Variants in RBMS3 observed in about 807,000 individuals in gnomAD.
The protein encoded by RBMS3 is RNA-binding motif, single-stranded-interacting protein 3.
A neutral mutation model predicts 66.8 loss-of-function variants in RBMS3; 27 were observed. That is an observed-to-expected ratio of 0.40 (90% CI 0.30 to 0.56). The LOEUF is 0.56. RBMS3 is among the 20% of genes least tolerant of loss of function. RBMS3 has a pLI of 0.40. For synonymous variants in RBMS3, 188 were observed against 183.0 expected (o/e 1.03, Z -0.22); for missense variants, 513 against 549.5 (o/e 0.93, Z 0.66).
At chr3:29,775,053 G>A (rs919994985) in intron 6 of RBMS3, among the ~76,000 whole-genome samples, 1 of 151,670 alleles carries the variant, frequency 6.6e-6, no homozygotes, top group African/African-American at 2.4e-5. Flanking sequence ...GAAAACAGCC[G>A]ATATAGAGTC....
chr3:29,839,086 G>A (rs571379939), intron 6 of RBMS3, among the ~76,000 whole-genome samples: 2 of 152,288 alleles, frequency 1.3e-5, no homozygotes, highest in Non-Finnish European at 2.9e-5. Context: ...GGCATAATGA[G>A]TGGATTGTTA....
At chr3:29,577,455 C>T (rs937124007) in intron 3 of RBMS3, among the ~76,000 whole-genome samples, 16 of 152,306 alleles carry the variant, frequency 1.1e-4, no homozygotes, top group African/African-American at 3.8e-4. Flanking sequence ...TCCTCTGGCT[C>T]TGAGCCCAGT....
At chr3:29,564,229 C>T (rs979887612) in intron 3 of RBMS3, among the ~76,000 whole-genome samples, 6 of 152,008 alleles carry the variant, frequency 3.9e-5, no homozygotes, top group East Asian at 1.9e-4. Flanking sequence ...GTAATCCCAG[C>T]ACTTTGGGAG....
At chr3:29,772,733 A>G (rs2056264637) in intron 6 of RBMS3, among the ~76,000 whole-genome samples, 1 of 152,042 alleles carries the variant, frequency 6.6e-6, no homozygotes. Flanking sequence ...ACCTAGAAGA[A>G]AGTTCAGTAA....
intron 6 of RBMS3, among the ~76,000 whole-genome samples, chr3:29,830,471 A>G (rs536184897): frequency 3.8e-4 from 58 of 152,284 alleles, no homozygotes; most frequent in African/African-American, 1.3e-3. Flanking sequence ...CCAGCACGGT[A>G]AAACAAAAGA....
intron 12 of RBMS3, among the ~76,000 whole-genome samples, chr3:29,945,425 G>C (rs960574249): frequency 6.6e-6 from 1 of 151,614 alleles, no homozygotes; most frequent in African/African-American, 2.4e-5. Context: ...GCATTTGGCC[G>C]CGAAGTCATT....
At position 30,006,701 on chromosome 3, in the gene RBMS3, A is replaced by G. The variant is rs1699811652; in HGVS notation, c.*2839A>G. On this transcript the variant is annotated 3_prime_UTR_variant, in exon 15 of 15. Coordinates refer to ENST00000383767, the MANE Select transcript of RBMS3 (RefSeq NM_001003793.3). ...CCTGGGCATAATTCATTTGAATATG[A>G]AACCAACATACTTTCTTTCATTTTT... The G allele has an allele frequency of 6.6e-6, 1 of 152,004 alleles. No individual in the cohort carries two copies. Among genetic ancestry groups the G allele is most frequent in the Non-Finnish European group, 1.5e-5 (1 of 67,902 alleles). 9.4% of individuals were successfully genotyped at this position (152,004 alleles called of 1,614,324 possible).
chr3:29,874,782 T>C (rs1013366156), intron 7 of RBMS3, among the ~76,000 whole-genome samples: 1 of 150,844 alleles, frequency 6.6e-6, no homozygotes, highest in East Asian at 1.9e-4. Flanking sequence ...TAATTCAGCA[T>C]GAAAACTTTC....
At chr3:29,340,381 T>C (rs1219995080) in intron 1 of RBMS3, among the ~76,000 whole-genome samples, 4 of 152,092 alleles carry the variant, frequency 2.6e-5, no homozygotes, top group South Asian at 2.1e-4. Flanking sequence ...GACACCGCCA[T>C]TGGGGTGTTA....
chr3:29,997,999 T>A (rs911953134), intron 14 of RBMS3, among the ~76,000 whole-genome samples: 3 of 152,336 alleles, frequency 2.0e-5, no homozygotes, highest in Non-Finnish European at 4.4e-5. Context: ...GCAGATGACA[T>A]GATTGTATAT....
chr3:29,695,312 A>G (rs772550376), intron 4 of RBMS3, among the ~76,000 whole-genome samples: 9 of 152,204 alleles, frequency 5.9e-5, no homozygotes, highest in Non-Finnish European at 1.2e-4. Flanking sequence ...AGGATTAGTG[A>G]TACTAATGCT....
chr3:29,753,717 G>A (rs1458660268), intron 5 of RBMS3, among the ~76,000 whole-genome samples: 3 of 152,116 alleles, frequency 2.0e-5, no homozygotes, highest in African/African-American at 7.2e-5. Flanking sequence ...ATTAGACTCA[G>A]TTATGGAAGT....
chr3:29,609,649 T>G lies in RBMS3; in HGVS notation c.399+22444T>G, dbSNP rs1286342514. ...TACTGGAGAACAGGGAGCCTCTTGT[T>G]GCCTCTGTGCCTGGCAAAAGGCCTG... On this transcript the variant is annotated intron_variant, in intron 4 of 14. Coordinates refer to ENST00000383767, the MANE Select transcript of RBMS3 (RefSeq NM_001003793.3). 2.0e-5 allele frequency among the ~76,000 whole-genome samples: 3 copies of G among 152,084 alleles called. No homozygotes were observed. In the East Asian group the frequency reaches 5.8e-4, roughly 29 times the overall value.
At chr3:29,355,600 G>C (rs1412329845) in intron 1 of RBMS3, among the ~76,000 whole-genome samples, 4 of 151,620 alleles carry the variant, frequency 2.6e-5, no homozygotes, top group Admixed American at 1.3e-4. Context: ...TGTTTAATTG[G>C]GAAATATGTT....
At chr3:29,695,418 G>A (rs2052222430) in intron 4 of RBMS3, among the ~76,000 whole-genome samples, 1 of 152,156 alleles carries the variant, frequency 6.6e-6, no homozygotes, top group Non-Finnish European at 1.5e-5. Flanking sequence ...GAACTTCTTA[G>A]AACTCTGTGT....
chr3:29,328,081 A>T (rs1418854996), intron 1 of RBMS3, among the ~76,000 whole-genome samples: 1 of 152,308 alleles, frequency 6.6e-6, no homozygotes, highest in Non-Finnish European at 1.5e-5. Context: ...AGTCTATTAT[A>T]ACATCATTAT....
At chr3:29,749,793 T>C (rs370626026) in intron 5 of RBMS3, among the ~76,000 whole-genome samples, 2 of 152,288 alleles carry the variant, frequency 1.3e-5, no homozygotes, top group East Asian at 3.9e-4. Context: ...TCTGGTCATA[T>C]CTAAAAATAT....
chr3:29,617,049 A>G (rs888019779), intron 4 of RBMS3: 1 of 152,208 alleles, frequency 6.6e-6, no homozygotes, highest in African/African-American at 2.4e-5. Flanking sequence ...CACTAAATGA[A>G]TGAAAAGATG....
chr3:29,673,524 A>G (rs1211678065), intron 4 of RBMS3, among the ~76,000 whole-genome samples: 1 of 152,064 alleles, frequency 6.6e-6, no homozygotes, highest in African/African-American at 2.4e-5. Context: ...AGTAAAGAAG[A>G]AAAGGGAGAA....
Sources: allele counts gnomAD v4.1 joint callset (sites outside exome capture counted in the v4.1 genomes callset), GRCh38; gene constraint gnomAD v4.1.1; transcripts MANE v1.5; gene names NCBI Gene and HGNC (gene_info 2026-07-23, HGNC 2026-07-21).